SHROOM4: variants seen among roughly 807,000 people sequenced by gnomAD.
SHROOM4 encodes protein Shroom4.
In SHROOM4, 17 loss-of-function variants were observed where a neutral mutation model predicts 80.3. That is an observed-to-expected ratio of 0.21 (90% CI 0.14 to 0.32). The LOEUF is 0.32. Ranked by LOEUF, SHROOM4 falls within the 10% of genes least tolerant of loss-of-function variation. SHROOM4 has a pLI of 1.00. For missense variants in SHROOM4, 993 were observed against 1,140.3 expected (o/e 0.87, Z 1.86); for synonymous variants, 400 against 437.5 (o/e 0.91, Z 1.07).
intron 1 of SHROOM4, among the ~76,000 whole-genome samples, chrX:50,797,562 A>T (rs1006736037): frequency 2.7e-5 from 3 of 112,058 alleles, no homozygotes; most frequent in African/African-American, 9.7e-5. Context: ...CAGATGAGAG[A>T]CAAGGATGAC....
intron 1 of SHROOM4, among the ~76,000 whole-genome samples, chrX:50,740,493 G>A (rs6614569): frequency 0.066 from 7,306 of 111,216 alleles, 637 homozygotes; most frequent in African/African-American, 0.23. Flanking sequence ...ACTCAACAAT[G>A]ATAGCAGGGG....
rs782259017 is a variant in SHROOM4, at chrX:50,589,447, G to GA, written c.*7247_*7248insT. Among the ~76,000 whole-genome samples, 43 of 110,964 alleles carry GA rather than the reference G, an allele frequency of 3.9e-4. No homozygotes were observed. Among genetic ancestry groups the GA allele is most frequent in the African/African-American group, 1.3e-3 (40 of 30,621 alleles). On this transcript the variant is annotated 3_prime_UTR_variant, in exon 9 of 9. Coordinates refer to ENST00000376020, the MANE Select transcript of SHROOM4 (RefSeq NM_020717.5). ...GAAACCCCATGCCTATTGCCCCTGA[G>GA]CCCCCAGCCTTGACAACCACTAATC...
At chrX:50,651,216 T>C (rs1932042101) in intron 2 of SHROOM4, among the ~76,000 whole-genome samples, 1 of 111,947 alleles carries the variant, frequency 8.9e-6, no homozygotes, top group Admixed American at 9.5e-5. Context: ...AATTTAGTGG[T>C]GGTGGTGGAG....
chrX:50,769,149 G>A (rs1266667673), intron 1 of SHROOM4, among the ~76,000 whole-genome samples: 1 of 104,315 alleles, frequency 9.6e-6, no homozygotes, highest in Non-Finnish European at 1.9e-5. Flanking sequence ...GGAAGGAGGG[G>A]AAAAAAAGAG....
intron 2 of SHROOM4, among the ~76,000 whole-genome samples, chrX:50,689,763 C>T (rs782449405): frequency 2.7e-5 from 3 of 111,876 alleles, no homozygotes; most frequent in Middle Eastern, 4.3e-3. Flanking sequence ...TTTTTGTCTA[C>T]GTAAGAATCA....
At position 50,705,366 on chromosome X, in the gene SHROOM4, G is replaced by C. The variant is rs188216593; in HGVS notation, c.118-9429C>G. ...TTTTGCAATGACAGGATTAAGTTGAGAAGAAAATGCAGGAGGAAGTGATAG... is the reference window on the plus strand; with the variant it reads ...TTTTGCAATGACAGGATTAAGTTGACAAGAAAATGCAGGAGGAAGTGATAG... On this transcript the variant is annotated intron_variant, in intron 1 of 8. Transcript: ENST00000376020. Among the ~76,000 whole-genome samples, 140 of 111,775 alleles carry C rather than the reference G, an allele frequency of 1.3e-3. No homozygotes were observed. In the South Asian group the frequency reaches 0.016, roughly 13 times the overall value.
At chrX:50,803,955 A>ATGTCTGGAAG (rs1936177247) in intron 1 of SHROOM4, among the ~76,000 whole-genome samples, 1 of 111,980 alleles carries the variant, frequency 8.9e-6, no homozygotes, top group South Asian at 3.7e-4. Flanking sequence ...CATTAGCAGA[A>ATGTCTGGAAG]ATCATGGCTG....
the SHROOM4 span, among the ~76,000 whole-genome samples, chrX:50,581,310 C>T: frequency 3.6e-5 from 4 of 111,796 alleles, no homozygotes; most frequent in African/African-American, 1.3e-4. Flanking sequence ...AAATTTATGC[C>T]TGTATACTGG....
At chrX:50,765,231 G>A (rs1557269241) in intron 1 of SHROOM4, among the ~76,000 whole-genome samples, 10 of 111,997 alleles carry the variant, frequency 8.9e-5, no homozygotes. Context: ...AATTTCTGTA[G>A]TGTAGGCTTT....
At chrX:50,576,453 C>T in the SHROOM4 span, among the ~76,000 whole-genome samples, 1 of 111,818 alleles carries the variant, frequency 8.9e-6, no homozygotes, top group Non-Finnish European at 1.9e-5. Context: ...TCAGAGTCCT[C>T]CTACGGTTGC....
In SHROOM4 at chrX:50,760,600, G is replaced by A. The variant is rs182865344; in HGVS notation, c.117+53302C>T. The stretch of plus-strand genomic sequence containing the variant: ...CAATCCTCCTGCCTCAGCCTTCCAA[G>A]TAGCTGGGATTACAGACATGAACAA... On this transcript the variant is annotated intron_variant, in intron 1 of 8. Transcript: ENST00000376020. 3.6e-5 allele frequency among the ~76,000 whole-genome samples: 4 copies of A among 111,224 alleles called. No homozygotes were observed. In the East Asian group the frequency reaches 1.1e-3, roughly 32 times the overall value.
chrX:50,806,643 C>G (rs933829564), intron 1 of SHROOM4, among the ~76,000 whole-genome samples: 2 of 111,990 alleles, frequency 1.8e-5, no homozygotes, highest in African/African-American at 3.3e-5. Context: ...AATTTTGGCT[C>G]CATGGAAGCT....
At chrX:50,577,137 T>C in the SHROOM4 span, among the ~76,000 whole-genome samples, 1 of 112,369 alleles carries the variant, frequency 8.9e-6, no homozygotes, top group Admixed American at 9.4e-5. Flanking sequence ...ATTCTTTTAG[T>C]TTTCCTTTGT....
chrX:50,796,572 C>T (rs782072537), intron 1 of SHROOM4, among the ~76,000 whole-genome samples: 1 of 111,402 alleles, frequency 9.0e-6, no homozygotes, highest in African/African-American at 3.3e-5. Context: ...TGAGATGAAC[C>T]AGTCAGTCCA....
At position 50,591,215 on chromosome X, in the gene SHROOM4, G is replaced by A. The variant is rs978513014; in HGVS notation, c.*5480C>T. Among the ~76,000 whole-genome samples the A allele has an allele frequency of 7.1e-5, 8 of 111,895 alleles. No homozygotes were observed. The Admixed American group carries it at 7.6e-4, about 11-fold the overall frequency. Reference sequence around the variant, plus strand: ...GTTGAAATTAACTAACCATATACATGAGGATTTATTTCTGGACTCTCAATT... The same window carrying A: ...GTTGAAATTAACTAACCATATACATAAGGATTTATTTCTGGACTCTCAATT... On this transcript the variant is annotated 3_prime_UTR_variant, in exon 9 of 9. Coordinates refer to ENST00000376020, the MANE Select transcript of SHROOM4 (RefSeq NM_020717.5).
At position 50,779,198 on chromosome X, in the gene SHROOM4, A is replaced by G. The variant is rs1602507641; in HGVS notation, c.117+34704T>C. Reference sequence around the variant, plus strand: ...TTCTCACAACTCCTCAGCAAGATTAATGGTAATCTTATTTTACAGAAGGCA... The same window carrying G: ...TTCTCACAACTCCTCAGCAAGATTAGTGGTAATCTTATTTTACAGAAGGCA... On this transcript the variant is annotated intron_variant, in intron 1 of 8. Transcript: ENST00000376020. Among the ~76,000 whole-genome samples the G allele has an allele frequency of 2.7e-5, 3 of 112,036 alleles. No homozygotes were observed. In the South Asian group the frequency reaches 1.1e-3, roughly 42 times the overall value.
intron 1 of SHROOM4, among the ~76,000 whole-genome samples, chrX:50,754,396 CCTGCCCTTATAGA>C (rs1304297289): frequency 2.7e-5 from 3 of 111,978 alleles, no homozygotes; most frequent in African/African-American, 9.7e-5. Context: ...GGCAAAGATT[CCTGCCCTTATAGA>C]CTTTTCTTTC....
intron 2 of SHROOM4, among the ~76,000 whole-genome samples, chrX:50,680,349 G>T (rs782750424): frequency 9.0e-6 from 1 of 111,539 alleles, no homozygotes; most frequent in South Asian, 3.8e-4. Context: ...CTCCTCAACT[G>T]GTCCAACTTA....
downstream of SHROOM4, among the ~76,000 whole-genome samples, chrX:50,583,328 T>C (rs782248387): frequency 3.3e-4 from 37 of 110,596 alleles, no homozygotes; most frequent in African/African-American, 1.2e-3. Flanking sequence ...GTCAGTGACT[T>C]GCTTTAGTCA....
Sources: gnomAD v4.1 joint callset for allele counts (sites outside exome capture counted in the v4.1 genomes callset) on GRCh38, gnomAD v4.1.1 for gene constraint, MANE v1.5 for transcripts, NCBI Gene and HGNC (gene_info 2026-07-23, HGNC 2026-07-21) for gene names.